COL5A2: variants seen among roughly 807,000 people sequenced by gnomAD.
COL5A2 encodes collagen alpha-2(V) chain.
In COL5A2, 23 loss-of-function variants were observed where a neutral mutation model predicts 208.2. That is an observed-to-expected ratio of 0.11 (90% CI 0.08 to 0.16). The LOEUF (loss-of-function observed/expected upper bound fraction) is 0.16, where lower values mean the gene tolerates loss of function less well. Among genes scored for constraint, COL5A2 ranks in the 10% least tolerant of loss-of-function variants. COL5A2 has a pLI of 1.00. For synonymous variants in COL5A2, 625 were observed against 628.5 expected (o/e 0.99, Z 0.08); for missense variants, 1,590 against 1,956.4 (o/e 0.81, Z 3.53).
At chr2:189,186,010 A>ATT (rs144544727) in intron 1 of COL5A2, among the ~76,000 whole-genome samples, 1 of 146,938 alleles carries the variant, frequency 6.8e-6, no homozygotes, top group Non-Finnish European at 1.5e-5. Context: ...GCAAACCATA[A>ATT]TTTTTTTTTT....
chr2:189,421,609 C>A, the COL5A2 span, among the ~76,000 whole-genome samples: 2 of 152,012 alleles, frequency 1.3e-5, no homozygotes, highest in African/African-American at 4.8e-5. Context: ...AAAATCACTA[C>A]CACACAGACC....
chr2:189,342,989 G>A, the COL5A2 span, among the ~76,000 whole-genome samples: 1 of 151,980 alleles, frequency 6.6e-6, no homozygotes, highest in African/African-American at 2.4e-5. Context: ...CTTTAACTAT[G>A]AGCAATGTTA....
the COL5A2 span, among the ~76,000 whole-genome samples, chr2:189,368,838 G>A: frequency 6.6e-6 from 1 of 152,164 alleles, no homozygotes; most frequent in African/African-American, 2.4e-5. Flanking sequence ...CAGTAAATCA[G>A]TTGAACCATG....
the COL5A2 span, among the ~76,000 whole-genome samples, chr2:189,372,219 T>C: frequency 6.6e-6 from 1 of 152,102 alleles, no homozygotes; most frequent in Non-Finnish European, 1.5e-5. Context: ...AATTAATGGA[T>C]AGAAAATATG....
At chr2:189,366,960 A>G in the COL5A2 span, among the ~76,000 whole-genome samples, 1 of 151,910 alleles carries the variant, frequency 6.6e-6, no homozygotes, top group East Asian at 1.9e-4. Context: ...TCCACCAGAA[A>G]CTCTCCCGAA....
At chr2:189,053,973 A>G in intron 36 of COL5A2, 25 bp from the exon 37 acceptor site, 3 of 1,609,638 alleles carry the variant, frequency 1.9e-6, no homozygotes, top group Non-Finnish European at 1.7e-6. Context: ...TTAGATGGTT[A>G]CTGTCCAAAA....
intron 51 of COL5A2, among the ~76,000 whole-genome samples, chr2:189,037,250 TG>T: frequency 6.6e-6 from 1 of 152,312 alleles, no homozygotes; most frequent in East Asian, 1.9e-4. Flanking sequence ...ACAATTAGAA[TG>T]CTATGAATCA....
the COL5A2 span, among the ~76,000 whole-genome samples, chr2:189,327,412 G>A: frequency 2.6e-5 from 4 of 152,050 alleles, no homozygotes; most frequent in African/African-American, 9.7e-5. Context: ...AAGAGGAAAA[G>A]GGGGAGAAAG....
rs758506664 is a variant in COL5A2 at position 189,034,896 on chromosome 2, G to A, written c.4353+20C>T. On this transcript the variant is annotated intron_variant, in intron 53 of 53. Coordinates refer to ENST00000374866, the MANE Select transcript of COL5A2 (RefSeq NM_000393.5). ...ATTTTTTTTCCTCAACCAGATCAAT[G>A]TAGATCAAAAAGTACTTACAGAGCA... The A allele has an allele frequency of 3.1e-6, 5 of 1,613,604 alleles. No individual in the cohort carries two copies. The highest frequency in any genetic ancestry group is 4.2e-6 in the Non-Finnish European group (5 of 1,179,696).
the COL5A2 span, among the ~76,000 whole-genome samples, chr2:189,320,866 A>G: frequency 6.6e-6 from 1 of 152,206 alleles, no homozygotes; most frequent in Non-Finnish European, 1.5e-5. Context: ...CATAATTGTC[A>G]GATTCACCAA....
chr2:189,102,811 GA>G (rs1286189202), intron 3 of COL5A2, among the ~76,000 whole-genome samples: 2 of 152,072 alleles, frequency 1.3e-5, no homozygotes, highest in African/African-American at 4.8e-5. Context: ...GGATATAAAC[GA>G]AGAACAAATT....
the COL5A2 span, among the ~76,000 whole-genome samples, chr2:189,278,627 T>A: frequency 6.6e-6 from 1 of 152,060 alleles, no homozygotes; most frequent in Non-Finnish European, 1.5e-5. Flanking sequence ...TCAACCTGAA[T>A]TCTTTCATTT....
chr2:189,111,796 T>G (rs1687267512), intron 1 of COL5A2, among the ~76,000 whole-genome samples: 1 of 152,112 alleles, frequency 6.6e-6, no homozygotes, highest in South Asian at 2.1e-4. Context: ...TTAGTTTATC[T>G]CCCTCACTAG....
chr2:189,324,511 G>A, the COL5A2 span, among the ~76,000 whole-genome samples: 1 of 152,210 alleles, frequency 6.6e-6, no homozygotes, highest in African/African-American at 2.4e-5. Context: ...TGAAGGATAT[G>A]AGCAGACATT....
At chr2:189,087,379 T>C (rs1330177392) in intron 8 of COL5A2, among the ~76,000 whole-genome samples, 2 of 152,096 alleles carry the variant, frequency 1.3e-5, no homozygotes, top group African/African-American at 2.4e-5. Context: ...AAAAATGCGA[T>C]TTTAGAACAT....
At chr2:189,293,543 T>G in the COL5A2 span, among the ~76,000 whole-genome samples, 111 of 152,210 alleles carry the variant, frequency 7.3e-4, no homozygotes, top group African/African-American at 2.6e-3. Context: ...CCCACAAGGT[T>G]AGGATTAGGA....
the COL5A2 span, among the ~76,000 whole-genome samples, chr2:189,244,065 C>T: frequency 6.6e-6 from 1 of 152,192 alleles, no homozygotes; most frequent in East Asian, 1.9e-4. Context: ...GCTCATGAAA[C>T]CACTTTTTCC....
At chr2:189,275,791 T>C in the COL5A2 span, among the ~76,000 whole-genome samples, 1 of 152,190 alleles carries the variant, frequency 6.6e-6, no homozygotes, top group Non-Finnish European at 1.5e-5. Flanking sequence ...TGCTTTCTTC[T>C]AAAATTCCAA....
chr2:189,231,326 C>A, the COL5A2 span, among the ~76,000 whole-genome samples: 2 of 150,796 alleles, frequency 1.3e-5, no homozygotes, highest in Non-Finnish European at 3.0e-5. Context: ...TTTTTTTTGC[C>A]ACAATAAAAA....
Sources: allele counts gnomAD v4.1 joint callset (sites outside exome capture counted in the v4.1 genomes callset), GRCh38; gene constraint gnomAD v4.1.1; transcripts MANE v1.5; gene names NCBI Gene and HGNC (gene_info 2026-07-23, HGNC 2026-07-21).